The following MAMLD1 variants were observed in gnomAD, a reference collection of about 807,000 sequenced individuals.
The protein encoded by MAMLD1 is mastermind-like domain-containing protein 1.
Under a neutral mutation model 45.0 loss-of-function variants are expected in MAMLD1, and 14 were observed. The observed-to-expected ratio is 0.31, with a 90% CI of 0.21 to 0.49. MAMLD1 has a LOEUF of 0.49. MAMLD1 is among the 20% of genes least tolerant of loss of function. The probability of loss-of-function intolerance (pLI) is 0.99; values close to 1 mark genes in which losing one functional copy is unlikely to be tolerated. For missense variants in MAMLD1, 543 were observed against 603.6 expected (o/e 0.90, Z 1.05); for synonymous variants, 254 against 247.8 (o/e 1.02, Z -0.24).
chrX:150,486,584 T>TCATACACACCTTCCTTCCCACG (rs2036994819), intron 5 of MAMLD1, among the ~76,000 whole-genome samples: 1 of 111,410 alleles, frequency 9.0e-6, no homozygotes, highest in Non-Finnish European at 1.9e-5. Flanking sequence ...CCATCCTCAT[T>TCATACACACCTTCCTTCCCACG]CATACACACC....
intron 1 of MAMLD1, among the ~76,000 whole-genome samples, chrX:150,409,796 T>C (rs2124533418): frequency 8.9e-6 from 1 of 112,529 alleles, no homozygotes; most frequent in South Asian, 3.7e-4. Context: ...TTGTATGTGT[T>C]TATGCCTGTG....
chrX:150,389,839 C>A (rs1356473717), intron 1 of MAMLD1, among the ~76,000 whole-genome samples: 3 of 111,967 alleles, frequency 2.7e-5, no homozygotes, highest in African/African-American at 9.8e-5. Flanking sequence ...CATCTAGGAC[C>A]ATTATGTTTT....
At chrX:150,427,160 T>A (rs1382434818) in intron 1 of MAMLD1, among the ~76,000 whole-genome samples, 1 of 111,994 alleles carries the variant, frequency 8.9e-6, no homozygotes, top group East Asian at 2.8e-4. Context: ...GGGCCCACCC[T>A]ACTCCAGTAA....
At chrX:150,406,527 G>A (rs1478326529) in intron 1 of MAMLD1, among the ~76,000 whole-genome samples, 1 of 111,811 alleles carries the variant, frequency 8.9e-6, no homozygotes, top group Non-Finnish European at 1.9e-5. Context: ...TGATGGTCAA[G>A]TCAAGCAGAC....
At chrX:150,405,224 G>A (rs1216783373) in intron 1 of MAMLD1, among the ~76,000 whole-genome samples, 2 of 112,116 alleles carry the variant, frequency 1.8e-5, no homozygotes, top group African/African-American at 3.2e-5. Context: ...CAGCAAATTA[G>A]ACATTGGGCT....
intron 1 of MAMLD1, among the ~76,000 whole-genome samples, chrX:150,436,338 CCTT>C (rs1295500418): frequency 9.0e-6 from 1 of 111,695 alleles, no homozygotes; most frequent in Non-Finnish European, 1.9e-5. Flanking sequence ...TGCTTTCTCT[CCTT>C]CTCTTTCAGG....
chrX:150,484,165 C>G (rs2036911338), intron 5 of MAMLD1, among the ~76,000 whole-genome samples: 1 of 112,339 alleles, frequency 8.9e-6, no homozygotes, highest in African/African-American at 3.2e-5. Context: ...TGAACAAGCT[C>G]CCACTACTGG....
chrX:150,448,847 G>A (rs782323662), intron 2 of MAMLD1, among the ~76,000 whole-genome samples: 1 of 111,807 alleles, frequency 8.9e-6, no homozygotes, highest in East Asian at 2.8e-4. Flanking sequence ...GACTCAGTGC[G>A]CATGTCACAT....
chrX:150,488,813 C>T (rs893352261), intron 5 of MAMLD1, among the ~76,000 whole-genome samples: 8 of 113,022 alleles, frequency 7.1e-5, no homozygotes, highest in African/African-American at 2.6e-4. Flanking sequence ...ATAAGCCACC[C>T]ATTTGCTGGG....
intron 1 of MAMLD1, among the ~76,000 whole-genome samples, chrX:150,420,547 G>GT (rs1349417419): frequency 8.9e-6 from 1 of 112,100 alleles, no homozygotes; most frequent in Non-Finnish European, 1.9e-5. Context: ...TTTCTGTTCT[G>GT]TTTTTTCCAC....
At chrX:150,491,216 G>A (rs782682109) in intron 5 of MAMLD1, among the ~76,000 whole-genome samples, 1 of 111,718 alleles carries the variant, frequency 9.0e-6, no homozygotes, top group Non-Finnish European at 1.9e-5. Flanking sequence ...GGAAACTGAG[G>A]CTTAGAGAGG....
chrX:150,399,955 C>T (rs1395418539), intron 1 of MAMLD1, among the ~76,000 whole-genome samples: 1 of 111,995 alleles, frequency 8.9e-6, no homozygotes, highest in Non-Finnish European at 1.9e-5. Flanking sequence ...ATTGGTGGTA[C>T]TCAATCATCT....
chrX:150,394,129 CTTTTTTTTT>C (rs781904160), intron 1 of MAMLD1, among the ~76,000 whole-genome samples: 37 of 12,266 alleles, frequency 3.0e-3, no homozygotes, highest in African/African-American at 0.012. Flanking sequence ...TATCTACATC[CTTTTTTTTT>C]TTTTTTTTTT....
At chrX:150,504,288 G>A (rs895158112) in intron 6 of MAMLD1, 65 of 750,964 alleles carry the variant, frequency 8.7e-5, no homozygotes, top group Non-Finnish European at 9.7e-5. Flanking sequence ...ATGTGCACAG[G>A]ATGTCTGCAC....
At chrX:150,420,835 C>T (rs2034472406) in intron 1 of MAMLD1, among the ~76,000 whole-genome samples, 1 of 112,305 alleles carries the variant, frequency 8.9e-6, no homozygotes, top group Admixed American at 9.4e-5. Context: ...CCACTGCTCT[C>T]TTCAAAGCTG....
chrX:150,511,293 G>A (rs909002174), intron 7 of MAMLD1, among the ~76,000 whole-genome samples: 1 of 111,531 alleles, frequency 9.0e-6, no homozygotes, highest in African/African-American at 3.3e-5. Context: ...AGGCACCTGG[G>A]ACTCTACCTT....
intron 5 of MAMLD1, among the ~76,000 whole-genome samples, chrX:150,485,397 T>A (rs1034223474): frequency 9.0e-6 from 1 of 111,710 alleles, no homozygotes; most frequent in Non-Finnish European, 1.9e-5. Flanking sequence ...AGCAACACCT[T>A]TTACGGGCTT....
At chrX:150,431,962 T>C (rs782619605) in intron 1 of MAMLD1, among the ~76,000 whole-genome samples, 1 of 111,780 alleles carries the variant, frequency 8.9e-6, no homozygotes, top group African/African-American at 3.2e-5. Flanking sequence ...GGTCAAGTGT[T>C]AATTCTGCTT....
chrX:150,362,312 T>C (rs1212434892), upstream of MAMLD1, among the ~76,000 whole-genome samples: 2 of 111,167 alleles, frequency 1.8e-5, no homozygotes, highest in East Asian at 2.9e-4. Flanking sequence ...GGATGGGGGC[T>C]GAATAGGCTA....
Sources: gnomAD v4.1 joint callset for allele counts (sites outside exome capture counted in the v4.1 genomes callset) on GRCh38, gnomAD v4.1.1 for gene constraint, MANE v1.5 for transcripts, NCBI Gene and HGNC (gene_info 2026-07-23, HGNC 2026-07-21) for gene names.